Variants in TMEM209 observed in about 807,000 individuals in gnomAD.
The protein encoded by TMEM209 is transmembrane protein 209, also known as testicular tissue protein Li 202.
Under a neutral mutation model 76.2 loss-of-function variants are expected in TMEM209, and 65 were observed. The ratio of observed to expected loss-of-function variants is 0.85; its 90% CI spans 0.70 to 1.05. The LOEUF (loss-of-function observed/expected upper bound fraction) is 1.05. Among genes scored for constraint, TMEM209 ranks in the 50% least tolerant of loss-of-function variants. The pLI, the probability that TMEM209 is intolerant of heterozygous loss-of-function variation, is 0.00. For synonymous variants in TMEM209, 239 were observed against 237.6 expected (o/e 1.01, Z -0.06); for missense variants, 623 against 685.5 (o/e 0.91, Z 1.02).
intron 10 of TMEM209, among the ~76,000 whole-genome samples, chr7:130,176,577 G>A (rs1405364885): frequency 6.6e-6 from 1 of 151,940 alleles, no homozygotes; most frequent in Non-Finnish European, 1.5e-5. Context: ...TGAATTTATG[G>A]GAAAGAGAAG....
chr7:130,172,012 G>C (rs1212336286), intron 13 of TMEM209, among the ~76,000 whole-genome samples: 1 of 151,950 alleles, frequency 6.6e-6, no homozygotes, highest in Non-Finnish European at 1.5e-5. Flanking sequence ...CAGCCTGGGT[G>C]ACAGAGCAAG....
chr7:130,201,217 G>T (rs150549796), intron 5 of TMEM209, among the ~76,000 whole-genome samples: 1 of 151,180 alleles, frequency 6.6e-6, no homozygotes, highest in South Asian at 2.1e-4. Flanking sequence ...ACACAGTAGC[G>T]ACAGCATCTG....
At chr7:130,198,189 C>T (rs1007729455) in intron 5 of TMEM209, among the ~76,000 whole-genome samples, 5 of 152,188 alleles carry the variant, frequency 3.3e-5, no homozygotes, top group Non-Finnish European at 7.3e-5. Context: ...TGACTGGTTT[C>T]TTTCATTAGC....
At chr7:130,181,269 GA>G (rs1368614497) in intron 9 of TMEM209, among the ~76,000 whole-genome samples, 1 of 152,190 alleles carries the variant, frequency 6.6e-6, no homozygotes, top group Non-Finnish European at 1.5e-5. Flanking sequence ...CCTATCTATA[GA>G]GACAGAAAAT....
At chr7:130,184,676 A>G (rs948839996) in intron 7 of TMEM209, among the ~76,000 whole-genome samples, 4 of 152,148 alleles carry the variant, frequency 2.6e-5, no homozygotes, top group Non-Finnish European at 5.9e-5. Context: ...TAACTTTAGT[A>G]GAGACAGGGT....
At chr7:130,191,232 A>G (rs768352507) in intron 6 of TMEM209, among the ~76,000 whole-genome samples, 2 of 151,874 alleles carry the variant, frequency 1.3e-5, no homozygotes, top group Non-Finnish European at 2.9e-5. Flanking sequence ...TAAGAGATAA[A>G]GATAAGTGGC....
chr7:130,171,162 T>C (rs1188510268), intron 13 of TMEM209, among the ~76,000 whole-genome samples: 1 of 152,094 alleles, frequency 6.6e-6, no homozygotes, highest in Non-Finnish European at 1.5e-5. Context: ...ACACTACACA[T>C]ATAAAAATGG....
At chr7:130,194,610 A>T (rs558137203) in intron 5 of TMEM209, among the ~76,000 whole-genome samples, 13 of 152,330 alleles carry the variant, frequency 8.5e-5, no homozygotes, top group South Asian at 6.2e-4. Flanking sequence ...CTGTACATAA[A>T]TCTTTGACTG....
intron 14 of TMEM209, among the ~76,000 whole-genome samples, chr7:130,167,572 C>G (rs1200039566): frequency 1.3e-5 from 2 of 152,066 alleles, no homozygotes; most frequent in African/African-American, 2.4e-5. Context: ...TTTGCAAACC[C>G]AATTACTACT....
chr7:130,204,567 C>T (rs988199234), intron 1 of TMEM209, among the ~76,000 whole-genome samples: 1 of 152,222 alleles, frequency 6.6e-6, no homozygotes, highest in African/African-American at 2.4e-5. Flanking sequence ...GTCTCGAACT[C>T]CTGACCTTGT....
chr7:130,199,897 G>C (rs1355630621), intron 5 of TMEM209: 6 of 152,066 alleles, frequency 3.9e-5, no homozygotes. Context: ...CAAGTGAACA[G>C]AATCACCCCG....
intron 6 of TMEM209, among the ~76,000 whole-genome samples, chr7:130,190,574 TAA>T (rs5887464): frequency 6.1e-5 from 8 of 131,764 alleles, no homozygotes; most frequent in East Asian, 2.2e-4. Context: ...TGTATTACAG[TAA>T]AAAAAAAAAA....
At chr7:130,189,200 ATTTAT>A (rs1797712034) in intron 6 of TMEM209, among the ~76,000 whole-genome samples, 1 of 151,966 alleles carries the variant, frequency 6.6e-6, no homozygotes, top group Non-Finnish European at 1.5e-5. Context: ...TTATTCATTT[ATTTAT>A]TTTTTCTTTG....
rs1797520608 is a variant in TMEM209, at chr7:130,184,300, C to T, written c.952-45G>A. 2.2e-6 allele frequency: 3 copies of T among 1,375,636 alleles called. No individual in the cohort carries two copies. The South Asian group carries it at 4.0e-5, about 18-fold the overall frequency. The allele number at this position is 1,375,636 out of a possible 1,614,324, so 85.2% of individuals were successfully genotyped here. ...AAATGAACAATCAGTGAGGAAAAAT[C>T]TTGATAGAAATCATCATTCTTTCTC... is the stretch of plus-strand genomic sequence containing the variant. On this transcript the variant is annotated intron_variant, in intron 7 of 14. Coordinates refer to ENST00000397622, the MANE Select transcript of TMEM209 (RefSeq NM_032842.4).
intron 9 of TMEM209, among the ~76,000 whole-genome samples, chr7:130,179,964 T>TAGAAGG (rs1797357404): frequency 2.0e-5 from 3 of 152,180 alleles, no homozygotes; most frequent in African/African-American, 7.2e-5. Flanking sequence ...AGACTCTGTC[T>TAGAAGG]AGAAAACAAT....
intron 13 of TMEM209, among the ~76,000 whole-genome samples, chr7:130,172,764 C>T (rs1331238442): frequency 2.0e-5 from 3 of 151,656 alleles, no homozygotes; most frequent in African/African-American, 4.8e-5. Context: ...TTTGGGAGGC[C>T]GAGGTGGGCA....
At chr7:130,170,963 G>A (rs1797049338) in intron 13 of TMEM209, among the ~76,000 whole-genome samples, 1 of 151,698 alleles carries the variant, frequency 6.6e-6, no homozygotes, top group Non-Finnish European at 1.5e-5. Flanking sequence ...CAAGTAGCTG[G>A]GACCACAGGC....
Position 130,166,478 on chromosome 7 carries a change from C to A in TMEM209, c.1659G>T (p.Val553=). 1 of 1,544,478 alleles carries A rather than the reference C, an allele frequency of 6.5e-7. No homozygotes were observed. The highest frequency in any genetic ancestry group is 8.7e-7 in the Non-Finnish European group (1 of 1,144,462). ...LGRVNLGLSG[V]NILWIFGE ...ACTCGCCAAAGATCCACAATATATT[C>A]ACACCAGATAGACCAAGATTAACTC... The change falls in exon 15 of 15, where the codon GTG becomes GTT. Residue 553 remains valine, a synonymous_variant. Coordinates refer to ENST00000397622, the MANE Select transcript of TMEM209 (RefSeq NM_032842.4).
chr7:130,171,526 T>C (rs139389553), intron 13 of TMEM209, among the ~76,000 whole-genome samples: 2 of 152,258 alleles, frequency 1.3e-5, no homozygotes, highest in African/African-American at 2.4e-5. Flanking sequence ...AAAACAAAGA[T>C]TGGCATGGAT....
Sources: gnomAD v4.1 joint callset for allele counts (sites outside exome capture counted in the v4.1 genomes callset) on GRCh38, gnomAD v4.1.1 for gene constraint, MANE v1.5 for transcripts, NCBI Gene and HGNC (gene_info 2026-07-23, HGNC 2026-07-21) for gene names.